RAB37: variants seen among roughly 807,000 people sequenced by gnomAD.
RAB37 encodes ras-related protein Rab-37.
RAB37 carries 29 observed loss-of-function variants against 33.1 expected under a neutral mutation model. That is an observed-to-expected ratio of 0.88 (90% CI 0.65 to 1.20). The LOEUF (loss-of-function observed/expected upper bound fraction) is 1.20, where lower values mean the gene tolerates loss of function less well. Ranked by LOEUF, RAB37 falls within the 50% of genes most tolerant of loss-of-function variation. RAB37 has a pLI of 0.00. For synonymous variants in RAB37, 128 were observed against 119.5 expected (o/e 1.07, Z -0.47); for missense variants, 299 against 301.1 (o/e 0.99, Z 0.05).
At chr17:74,736,478 C>G (rs895780735), upstream of RAB37, 20 of 1,368,764 alleles carry the variant, frequency 1.5e-5, no homozygotes, top group Non-Finnish European at 1.7e-5. Context: ...AAATGATCTA[C>G]GACTTCATGA....
chr17:74,718,467 T>G (rs1172441837), intron 1 of RAB37, among the ~76,000 whole-genome samples: 1 of 152,200 alleles, frequency 6.6e-6, no homozygotes, highest in African/African-American at 2.4e-5. Flanking sequence ...CTGTCATCTT[T>G]GCTACCTGCT....
chr17:74,695,636 G>T, intron 1 of RAB37: 2 of 1,577,872 alleles, frequency 1.3e-6, no homozygotes, highest in Non-Finnish European at 1.7e-6. Context: ...GCCCACATGA[G>T]CAGGAGAAAG....
intron 1 of RAB37, among the ~76,000 whole-genome samples, chr17:74,725,019 C>G (rs757500943): frequency 9.9e-5 from 15 of 152,184 alleles, no homozygotes; most frequent in Admixed American, 2.6e-4. Flanking sequence ...TACCATGTGT[C>G]TCAGTATCTT....
intron 1 of RAB37, among the ~76,000 whole-genome samples, chr17:74,720,641 C>T (rs2034226718): frequency 6.6e-6 from 1 of 152,092 alleles, no homozygotes; most frequent in African/African-American, 2.4e-5. Flanking sequence ...TAGCAGTTGC[C>T]ATCCACAGAT....
chr17:74,731,200 G>A (rs1012684496), intron 2 of RAB37, among the ~76,000 whole-genome samples: 1 of 152,234 alleles, frequency 6.6e-6, no homozygotes, highest in African/African-American at 2.4e-5. Flanking sequence ...CAAGACACTT[G>A]TTTACCCATC....
chr17:74,744,724 G>A lies in RAB37; in HGVS notation c.433-149G>A. On this transcript the variant is annotated intron_variant, in intron 6 of 8. Transcript: ENST00000392613. This position sits in a 1 kb window ranked among gnomAD's most constrained non-coding sequence, Gnocchi z 4.2. ...GATCCCAGAGCTGGGAGCTACACTGGGCAGAAACCCTGGCCCCAGGCCAAT... is the reference window on the plus strand; with the variant it reads ...GATCCCAGAGCTGGGAGCTACACTGAGCAGAAACCCTGGCCCCAGGCCAAT... The A allele has an allele frequency of 1.1e-6, 1 of 899,700 alleles. No homozygotes were observed. Among genetic ancestry groups the A allele is most frequent in the South Asian group, 1.4e-5 (1 of 69,768 alleles). 55.7% of individuals were successfully genotyped at this position (899,700 alleles called of 1,614,324 possible). A position where few individuals can be genotyped will look rare whatever the true frequency, so the allele number is the denominator to read the frequency against.
rs2034367373 is a variant in RAB37, at chr17:74,730,155, A to G, written c.183+789A>G. Among the ~76,000 whole-genome samples, 1 of 151,632 alleles carries G rather than the reference A, an allele frequency of 6.6e-6. No individual in the cohort carries two copies. The highest frequency in any genetic ancestry group is 2.4e-5 in the African/African-American group (1 of 41,242). ...TGGGAAGACCTTGGGAGAGGGTTCC[A>G]CTCCTCTCTCGGGCTGTGGCAGGAA... is the stretch of plus-strand genomic sequence containing the variant. On this transcript the variant is annotated intron_variant, in intron 2 of 7. Coordinates refer to the RAB37 transcript ENST00000340415. This position sits in a 1 kb window ranked among gnomAD's most constrained non-coding sequence, Gnocchi z 4.4.
intron 1 of RAB37, among the ~76,000 whole-genome samples, chr17:74,693,663 T>C (rs1276066595): frequency 6.6e-6 from 1 of 152,080 alleles, no homozygotes; most frequent in East Asian, 1.9e-4. Flanking sequence ...GTGTGGTGGC[T>C]CACACCTATA....
intron 1 of RAB37, among the ~76,000 whole-genome samples, chr17:74,706,344 T>G (rs2033513199): frequency 7.5e-6 from 1 of 134,074 alleles, no homozygotes; most frequent in African/African-American, 2.6e-5. Flanking sequence ...GTGCCTGGCC[T>G]TTTTTTTTTT....
At position 74,671,486 on chromosome 17, in the gene RAB37, T is replaced by A. The variant is rs2031703796; in HGVS notation, c.-101T>A. On this transcript the variant is annotated 5_prime_UTR_variant, in exon 1 of 8. Coordinates refer to the RAB37 transcript ENST00000340415. The surrounding 1 kb of genome is among the most constrained non-coding windows in gnomAD (Gnocchi z 5.0). ...ACGGATGCGGCCCGGCCCGCAGAGC[T>A]CAGACCCAAGCCTGCCGCACCCAGC... 8.7e-7 allele frequency: 1 copy of A among 1,145,460 alleles called. No individual in the cohort carries two copies. 71.0% of individuals were successfully genotyped at this position (1,145,460 alleles called of 1,614,324 possible).
intron 1 of RAB37, among the ~76,000 whole-genome samples, chr17:74,737,640 C>T (rs1013149179): frequency 6.6e-6 from 1 of 152,162 alleles, no homozygotes; most frequent in African/African-American, 2.4e-5. Flanking sequence ...TATGAGCCCC[C>T]GGGAGCCCAT....
chr17:74,698,337 G>T, intron 1 of RAB37: 3 of 1,492,158 alleles, frequency 2.0e-6, no homozygotes, highest in Non-Finnish European at 1.9e-6. Flanking sequence ...ACCCGGCCCA[G>T]TCTCAGCCCA....
At position 74,745,109 on chromosome 17, in the gene RAB37, G is replaced by T; in HGVS notation, c.566+25G>T. ...AGTGAGAGCTGGGCAGGGAAGGGAA[G>T]TGTGCGGGGCAGGGCGGCACACTCC... On this transcript the variant is annotated intron_variant, in intron 8 of 8. Coordinates refer to ENST00000392613, the MANE Select transcript of RAB37 (RefSeq NM_001006638.3). This position sits in a 1 kb window ranked among gnomAD's most constrained non-coding sequence, Gnocchi z 4.5. 1 of 1,613,162 alleles carries T rather than the reference G, an allele frequency of 6.2e-7. No homozygotes were observed.
intron 1 of RAB37, among the ~76,000 whole-genome samples, chr17:74,697,855 G>A (rs561222181): frequency 6.6e-6 from 1 of 152,338 alleles, no homozygotes; most frequent in South Asian, 2.1e-4. Flanking sequence ...GGCTGTGTGT[G>A]TGTGTGCATG....
upstream of RAB37, among the ~76,000 whole-genome samples, chr17:74,735,037 GAAAGAA>G (rs1487528984): frequency 1.5e-5 from 2 of 133,428 alleles, no homozygotes; most frequent in South Asian, 2.3e-4. Flanking sequence ...AAGAAAGAAA[GAAAGAA>G]AGAAAGAAAG....
At chr17:74,685,941 A>C (rs764221404) in intron 1 of RAB37, among the ~76,000 whole-genome samples, 7 of 152,162 alleles carry the variant, frequency 4.6e-5, no homozygotes, top group Non-Finnish European at 1.0e-4. Context: ...GGAGCAAACA[A>C]CAGCATCCCC....
At chr17:74,715,676 T>C (rs1395035448) in intron 1 of RAB37, among the ~76,000 whole-genome samples, 1 of 152,194 alleles carries the variant, frequency 6.6e-6, no homozygotes, top group Non-Finnish European at 1.5e-5. Context: ...CCAGACCCTC[T>C]GATCGTGGCC....
At chr17:74,692,712 G>A (rs1273899318) in intron 1 of RAB37, among the ~76,000 whole-genome samples, 1 of 152,014 alleles carries the variant, frequency 6.6e-6, no homozygotes, top group Non-Finnish European at 1.5e-5. Flanking sequence ...GGACATCGTA[G>A]CCCCTCATCT....
In RAB37 at chr17:74,729,025, C is replaced by G. The variant is rs1196613856; in HGVS notation, c.73-231C>G. 1.3e-5 allele frequency among the ~76,000 whole-genome samples: 2 copies of G among 151,550 alleles called. No individual in the cohort carries two copies. Among genetic ancestry groups the G allele is most frequent in the Non-Finnish European group, 2.9e-5 (2 of 67,884 alleles). On this transcript the variant is annotated intron_variant, in intron 1 of 7. Transcript: ENST00000340415. The surrounding 1 kb of genome is among the most constrained non-coding windows in gnomAD (Gnocchi z 4.2). ...GTATGTTTCTGTGTGTATGTGTGTT[C>G]TGTGTGTGCATATATGTTTGTGTGT...
Sources: allele counts gnomAD v4.1 joint callset (sites outside exome capture counted in the v4.1 genomes callset), GRCh38; gene constraint gnomAD v4.1.1; non-coding constraint Gnocchi (gnomAD v3.1); transcripts MANE v1.5; gene names NCBI Gene and HGNC (gene_info 2026-07-23, HGNC 2026-07-21).